GRIK4: variants seen among roughly 807,000 people sequenced by gnomAD.
GRIK4 encodes glutamate ionotropic receptor kainate type subunit 4, also known as glutamate receptor ionotropic, kainate 4.
In GRIK4, 40 loss-of-function variants were observed where a neutral mutation model predicts 104.9. That is an observed-to-expected ratio of 0.38 (90% CI 0.30 to 0.50). The LOEUF is 0.50. Among genes scored for constraint, GRIK4 ranks in the 20% least tolerant of loss-of-function variants. The pLI, the probability that GRIK4 is intolerant of heterozygous loss-of-function variation, is 0.93. For synonymous variants in GRIK4, 485 were observed against 524.9 expected (o/e 0.92, Z 1.04); for missense variants, 1,047 against 1,308.1 (o/e 0.80, Z 3.08).
chr11:120,758,968 G>A (rs1198049812), intron 3 of GRIK4, among the ~76,000 whole-genome samples: 1 of 152,196 alleles, frequency 6.6e-6, no homozygotes, highest in Non-Finnish European at 1.5e-5. Context: ...TCCAAGACTA[G>A]CAGGGAAGGC....
Position 120,588,580 on chromosome 11 carries a change from TGGTGGCTGCCGGGAG to T in GRIK4, c.-158-65103_-158-65089del, listed in dbSNP as rs533901379. The stretch of plus-strand genomic sequence containing the variant: ...GTTTGTGGGAGGACTCAGTGAGGGG[TGGTGGCTGCCGGGAG>T]GCATCCCAGGAGGTCAAGGGTGTAA... On this transcript the variant is annotated intron_variant, in intron 1 of 20. Coordinates refer to ENST00000527524, the MANE Select transcript of GRIK4 (RefSeq NM_014619.5). Among the ~76,000 whole-genome samples, 31 of 151,898 alleles carry T rather than the reference TGGTGGCTGCCGGGAG, an allele frequency of 2.0e-4. 1 individual carries two copies. In the East Asian group the frequency reaches 6.1e-3, roughly 30 times the overall value.
At chr11:120,975,309 C>T (rs905730666) in intron 19 of GRIK4, among the ~76,000 whole-genome samples, 5 of 152,110 alleles carry the variant, frequency 3.3e-5, no homozygotes, top group African/African-American at 1.2e-4. Context: ...TGGGATCCAG[C>T]GTGGTTATCC....
rs542307206 is a variant in GRIK4, at chr11:120,952,713, T to C, written c.1591-142T>C. The C allele has an allele frequency of 5.2e-5, 37 of 706,438 alleles. No homozygotes were observed. In the South Asian group the frequency reaches 5.5e-4, roughly 10 times the overall value. The allele number at this position is 706,438 out of a possible 1,614,324, so 43.8% of individuals were successfully genotyped here. A position where few individuals can be genotyped will look rare whatever the true frequency, so the allele number is the denominator to read the frequency against. On this transcript the variant is annotated intron_variant, in intron 14 of 20. Coordinates refer to ENST00000527524, the MANE Select transcript of GRIK4 (RefSeq NM_014619.5). This position sits in a 1 kb window ranked among gnomAD's most constrained non-coding sequence, Gnocchi z 5.2. ...GGCAACACCCTCATTCCCAGTGTCA[T>C]TTAAACCAATCACCCAGAACCCACA...
intron 3 of GRIK4, among the ~76,000 whole-genome samples, chr11:120,666,256 C>T (rs1375035554): frequency 1.3e-5 from 2 of 152,188 alleles, no homozygotes; most frequent in South Asian, 2.1e-4. Flanking sequence ...CTGAGTCTCC[C>T]AGGTTTGTGA....
chr11:120,777,133 G>C (rs1421341594), intron 3 of GRIK4, among the ~76,000 whole-genome samples: 1 of 152,114 alleles, frequency 6.6e-6, no homozygotes, highest in Admixed American at 6.5e-5. Context: ...TAAAAACACC[G>C]ACGCGGGTTT....
chr11:120,743,107 G>A (rs1164162504), intron 3 of GRIK4, among the ~76,000 whole-genome samples: 2 of 152,024 alleles, frequency 1.3e-5, no homozygotes, highest in East Asian at 1.9e-4. Context: ...GCGGGTGCCT[G>A]TAATCCCAGC....
chr11:120,752,094 A>C (rs915094169), intron 3 of GRIK4, among the ~76,000 whole-genome samples: 1 of 152,120 alleles, frequency 6.6e-6, no homozygotes, highest in Admixed American at 6.5e-5. Flanking sequence ...CAACCTGTGA[A>C]GGGTCTCGTG....
chr11:120,862,759 T>C (rs1954296689), intron 9 of GRIK4, among the ~76,000 whole-genome samples: 1 of 152,210 alleles, frequency 6.6e-6, no homozygotes, highest in East Asian at 1.9e-4. Context: ...GAGTTGGATG[T>C]TCTTCTCCGT....
chr11:120,665,862 T>G (rs1222293324), intron 3 of GRIK4, among the ~76,000 whole-genome samples: 1 of 152,162 alleles, frequency 6.6e-6, no homozygotes, highest in Non-Finnish European at 1.5e-5. Flanking sequence ...GTGAGAGAGA[T>G]ATTCAGGCTG....
intron 8 of GRIK4, among the ~76,000 whole-genome samples, chr11:120,838,772 T>TGC (rs150277283): frequency 0.023 from 3,505 of 152,134 alleles, 70 homozygotes; most frequent in Non-Finnish European, 0.033. Context: ...ATTTTGTTTT[T>TGC]GTGTGTGTGT....
At chr11:120,563,406 A>G (rs1338407699) in intron 1 of GRIK4, among the ~76,000 whole-genome samples, 1 of 152,172 alleles carries the variant, frequency 6.6e-6, no homozygotes, top group African/African-American at 2.4e-5. Flanking sequence ...ACAAGCTTGT[A>G]AAAAGAGAGA....
intron 8 of GRIK4, among the ~76,000 whole-genome samples, chr11:120,838,403 G>C (rs185458650): frequency 6.6e-6 from 1 of 152,270 alleles, no homozygotes; most frequent in African/African-American, 2.4e-5. Flanking sequence ...ATTATATTTA[G>C]AAAAATATAT....
chr11:120,727,000 A>G (rs945271767), intron 3 of GRIK4, among the ~76,000 whole-genome samples: 1 of 152,222 alleles, frequency 6.6e-6, no homozygotes, highest in African/African-American at 2.4e-5. Flanking sequence ...CTTCTCTGTT[A>G]TTTGTGTCCA....
intron 3 of GRIK4, among the ~76,000 whole-genome samples, chr11:120,781,038 G>A (rs779569080): frequency 1.2e-4 from 18 of 151,978 alleles, no homozygotes; most frequent in Non-Finnish European, 1.5e-4. Flanking sequence ...CACTGCACCT[G>A]GCCACATTAT....
chr11:120,938,736 G>T (rs1314939403), intron 13 of GRIK4, among the ~76,000 whole-genome samples: 1 of 152,200 alleles, frequency 6.6e-6, no homozygotes, highest in Non-Finnish European at 1.5e-5. Flanking sequence ...ACCAGCATTA[G>T]AAAATGTCAA....
intron 1 of GRIK4, among the ~76,000 whole-genome samples, chr11:120,552,714 G>C (rs552852338): frequency 3.9e-5 from 6 of 152,144 alleles, no homozygotes; most frequent in Admixed American, 3.9e-4. Flanking sequence ...AAAAAGAAGG[G>C]AGAGGCCAGG....
At position 120,809,802 on chromosome 11, in the gene GRIK4, T is replaced by C. The variant is rs186782277; in HGVS notation, c.248-5576T>C. Among the ~76,000 whole-genome samples the C allele has an allele frequency of 5.4e-4, 83 of 152,324 alleles. 1 individual carries two copies. The highest frequency in any genetic ancestry group is 2.0e-3 in the African/African-American group (83 of 41,572). ...TTGAGGGGCTGGGCGTGGTGGCTCA[T>C]GCCTGTAAATCCCATCACTTCGGGA... is the stretch of plus-strand genomic sequence containing the variant. On this transcript the variant is annotated intron_variant, in intron 4 of 20. Transcript: ENST00000527524.
At chr11:120,626,033 A>C in intron 1 of GRIK4, among the ~76,000 whole-genome samples, 1 of 152,222 alleles carries the variant, frequency 6.6e-6, no homozygotes, top group African/African-American at 2.4e-5. Flanking sequence ...AAGGCTTTTC[A>C]TGGAAAGAGA....
chr11:120,977,860 A>G (rs942702151), intron 19 of GRIK4, among the ~76,000 whole-genome samples: 1 of 152,062 alleles, frequency 6.6e-6, no homozygotes, highest in Non-Finnish European at 1.5e-5. Context: ...CCCCCACCCA[A>G]TACAGGCGGT....
Sources: allele counts gnomAD v4.1 joint callset (sites outside exome capture counted in the v4.1 genomes callset), GRCh38; gene constraint gnomAD v4.1.1; non-coding constraint Gnocchi (gnomAD v3.1); transcripts MANE v1.5; gene names NCBI Gene and HGNC (gene_info 2026-07-23, HGNC 2026-07-21).